PLCH2: variants seen among roughly 807,000 people sequenced by gnomAD.
The protein encoded by PLCH2 is phospholipase C eta 2.
A neutral mutation model predicts 134.7 loss-of-function variants in PLCH2; 98 were observed. The ratio of observed to expected loss-of-function variants is 0.73; its 90% CI spans 0.62 to 0.86. The LOEUF is 0.86. Ranked by LOEUF, PLCH2 falls within the 40% of genes least tolerant of loss-of-function variation. The pLI is 0.00. For missense variants in PLCH2, 1,994 were observed against 1,986.6 expected (o/e 1.00, Z -0.07); for synonymous variants, 974 against 827.5 (o/e 1.18, Z -3.04).
At chr1:2,434,367 G>A (rs1205138511) in intron 2 of PLCH2, among the ~76,000 whole-genome samples, 3 of 152,106 alleles carry the variant, frequency 2.0e-5, no homozygotes, top group South Asian at 2.1e-4. Context: ...TGTGCCGTGG[G>A]GCCCCTTCTC....
chr1:2,447,150 C>T (rs1332301775), intron 2 of PLCH2, among the ~76,000 whole-genome samples: 1 of 152,212 alleles, frequency 6.6e-6, no homozygotes, highest in Non-Finnish European at 1.5e-5. Flanking sequence ...GCTCCCAGTG[C>T]AGATCAGACT....
chr1:2,479,585 T>C, intron 2 of PLCH2, 149 bp from the exon 3 acceptor site: 1 of 713,620 alleles, frequency 1.4e-6, no homozygotes, highest in Non-Finnish European at 2.3e-6. Flanking sequence ...CACCCTTGGT[T>C]CTTGAACTCT....
At chr1:2,456,334 G>A (rs573898960) in intron 2 of PLCH2, among the ~76,000 whole-genome samples, 343 of 152,334 alleles carry the variant, frequency 2.3e-3, no homozygotes, top group African/African-American at 7.6e-3. Context: ...GCTGAGCCCC[G>A]CAGGGTCTTG....
chr1:2,437,368 C>A (rs1181676957), intron 2 of PLCH2, among the ~76,000 whole-genome samples: 1 of 152,170 alleles, frequency 6.6e-6, no homozygotes, highest in East Asian at 1.9e-4. Flanking sequence ...CTTAGACCTC[C>A]TCTGGCCAGC....
At chr1:2,452,115 G>A (rs560445194) in intron 2 of PLCH2, among the ~76,000 whole-genome samples, 13 of 152,270 alleles carry the variant, frequency 8.5e-5, no homozygotes, top group South Asian at 4.1e-4. Flanking sequence ...TAGGGGCAGC[G>A]GGCAGCCCCC....
upstream of PLCH2, among the ~76,000 whole-genome samples, chr1:2,471,973 C>T (rs1461141463): frequency 6.6e-6 from 1 of 152,170 alleles, no homozygotes. Flanking sequence ...AGCGTCTGTC[C>T]CTGCGGTGCC....
rs1341920705 is a variant in PLCH2, at chr1:2,476,547, C to T, written c.-42C>T. On this transcript the variant is annotated 5_prime_UTR_variant, in exon 1 of 22. Coordinates refer to ENST00000378486, the MANE Select transcript of PLCH2 (RefSeq NM_014638.4). ...CCTCCGCTGCCCGAAGGCCGGTGGG[C>T]CTCTGTGGCCTCCGTGAAGCAGGCC... 2.7e-6 allele frequency: 4 copies of T among 1,455,282 alleles called. No homozygotes were observed. The highest frequency in any genetic ancestry group is 2.7e-6 in the Non-Finnish European group (3 of 1,108,590). 90.1% of individuals were successfully genotyped at this position (1,455,282 alleles called of 1,614,324 possible). A position where few individuals can be genotyped will look rare whatever the true frequency, so the allele number is the denominator to read the frequency against.
rs1308741462 is a variant in PLCH2, at chr1:2,444,145, G to C, written c.115+13516G>C. On this transcript the variant is annotated intron_variant, in intron 2 of 3. Coordinates refer to the PLCH2 transcript ENST00000609981. This position sits in a 1 kb window ranked among gnomAD's most constrained non-coding sequence, Gnocchi z 4.6. Reference sequence around the variant, plus strand: ...GGGTGCGGGCGCGGGACTGTGGGCGGGACGGGCGGAGCGGTCTTGAGCTCT... The same window carrying C: ...GGGTGCGGGCGCGGGACTGTGGGCGCGACGGGCGGAGCGGTCTTGAGCTCT... 1.3e-5 allele frequency among the ~76,000 whole-genome samples: 2 copies of C among 152,222 alleles called. No individual in the cohort carries two copies. The highest frequency in any genetic ancestry group is 4.8e-5 in the African/African-American group (2 of 41,472).
rs1570439146 is a variant in PLCH2, at chr1:2,487,638, C to T, written c.1155C>T (p.His385=). The change falls in exon 8 of 22, where the codon CAC becomes CAT. Residue 385 remains histidine (H), a synonymous_variant. Transcript: ENST00000378486. ...GGCCCGACGGGGAGCCCATTGTGCA[C>T]CATGGCTACACTCTGACTTCCAAGA... ...WDGPDGEPIV[H]HGYTLTSKIL... is the part of the protein sequence containing the mutation. The T allele has an allele frequency of 6.2e-7, 1 of 1,613,382 alleles. No homozygotes were observed. The highest frequency in any genetic ancestry group is 8.5e-7 in the Non-Finnish European group (1 of 1,179,772).
rs373402595 is a variant in PLCH2, at chr1:2,484,411, C to G, written c.646-37C>G. ...GACCCCTGTGCATGCAGGCCCTGGTCGAGGTGCCAATGGGGACCCAAGGCC... is the reference window on the plus strand; with the variant it reads ...GACCCCTGTGCATGCAGGCCCTGGTGGAGGTGCCAATGGGGACCCAAGGCC... On this transcript the variant is annotated intron_variant, in intron 4 of 21. Coordinates refer to ENST00000378486, the MANE Select transcript of PLCH2 (RefSeq NM_014638.4). The G allele has an allele frequency of 3.1e-6, 5 of 1,607,056 alleles. No individual in the cohort carries two copies. The South Asian group carries it at 4.4e-5, about 14-fold the overall frequency.
intron 4 of PLCH2, among the ~76,000 whole-genome samples, 151 bp downstream of exon 4, chr1:2,480,463 G>T (rs938420214): frequency 6.6e-6 from 1 of 152,180 alleles, no homozygotes; most frequent in African/African-American, 2.4e-5. Flanking sequence ...CTGAGGATGG[G>T]GCTGTCTGAC....
At chr1:2,495,626 C>T (rs554474664) in intron 13 of PLCH2, 56 bp downstream of exon 13, 450 of 1,312,242 alleles carry the variant, frequency 3.4e-4, no homozygotes, top group Non-Finnish European at 4.3e-4. Context: ...CTGGCCCAAC[C>T]GGGCCCTTCT....
chr1:2,489,545 C>T (rs1642454553), intron 9 of PLCH2, among the ~76,000 whole-genome samples, 167 bp downstream of exon 9: 1 of 152,256 alleles, frequency 6.6e-6, no homozygotes, highest in Non-Finnish European at 1.5e-5. Flanking sequence ...GGTGGTCACT[C>T]TGGCTCAGGC....
intron 1 of PLCH2, among the ~76,000 whole-genome samples, chr1:2,426,851 G>A (rs1167236545): frequency 1.3e-5 from 2 of 152,266 alleles, no homozygotes; most frequent in Non-Finnish European, 1.5e-5. Context: ...CACCAGCTTG[G>A]GGGCAGCGGC....
chr1:2,478,970 G>A (rs763804487), intron 2 of PLCH2: 1 of 312,284 alleles, frequency 3.2e-6, no homozygotes, highest in Non-Finnish European at 6.0e-6. Context: ...GAGGTATGCT[G>A]ATGGATGGGT....
At position 2,444,891 on chromosome 1, in the gene PLCH2, GT is replaced by G. The variant is rs2100537931; in HGVS notation, c.115+14263del. 6.6e-6 allele frequency among the ~76,000 whole-genome samples: 1 copy of G among 152,210 alleles called. No homozygotes were observed. Among genetic ancestry groups the G allele is most frequent in the South Asian group, 2.1e-4 (1 of 4,824 alleles). On this transcript the variant is annotated intron_variant, in intron 2 of 3. Coordinates refer to the PLCH2 transcript ENST00000609981. This position sits in a 1 kb window ranked among gnomAD's most constrained non-coding sequence, Gnocchi z 4.6. ...ACCCCTGACTTGGGGAGCCCATGGT[GT>G]CTGCCTGCCTGGGTGTCTGATCCTA...
At chr1:2,461,643 G>A (rs978646261) in intron 2 of PLCH2, among the ~76,000 whole-genome samples, 4 of 152,160 alleles carry the variant, frequency 2.6e-5, no homozygotes, top group Non-Finnish European at 4.4e-5. Flanking sequence ...ACGCCCACTG[G>A]ACACCCCATC....
At chr1:2,474,289 C>A (rs536324358), upstream of PLCH2, among the ~76,000 whole-genome samples, 370 of 152,338 alleles carry the variant, frequency 2.4e-3, no homozygotes, top group African/African-American at 8.6e-3. Flanking sequence ...CCCGGCTTCA[C>A]GCTGCAGCTG....
At chr1:2,503,278 T>C in intron 21 of PLCH2, 1 of 560,516 alleles carries the variant, frequency 1.8e-6, no homozygotes, top group Non-Finnish European at 3.2e-6. Context: ...GCATGGCCCC[T>C]GATGCCTTTC....
Sources: allele counts gnomAD v4.1 joint callset (sites outside exome capture counted in the v4.1 genomes callset), GRCh38; gene constraint gnomAD v4.1.1; non-coding constraint Gnocchi (gnomAD v3.1); transcripts MANE v1.5; gene names NCBI Gene and HGNC (gene_info 2026-07-23, HGNC 2026-07-21).